Variants in PALS2 observed in about 807,000 individuals in gnomAD.
PALS2 encodes the protein protein PALS2.
PALS2 carries 27 observed loss-of-function variants against 61.6 expected under a neutral mutation model. The ratio of observed to expected loss-of-function variants is 0.44; its 90% CI spans 0.32 to 0.60. The LOEUF (loss-of-function observed/expected upper bound fraction) is 0.60. Ranked by LOEUF, PALS2 falls within the 20% of genes least tolerant of loss-of-function variation. PALS2 has a pLI of 0.05. For synonymous variants in PALS2, 236 were observed against 218.6 expected, an observed-to-expected ratio of 1.08 and a Z score of -0.70; for missense variants, 554 against 639.4, an observed-to-expected ratio of 0.87 and a Z score of 1.44.
chr7:24,599,505 C>CTTTT lies in PALS2; in HGVS notation c.-2-24144_-2-24141dup, dbSNP rs1159029178. Among the ~76,000 whole-genome samples the CTTTT allele has an allele frequency of 3.7e-4, 43 of 116,578 alleles. 1 individual carries two copies. Among genetic ancestry groups the CTTTT allele is most frequent in the African/African-American group, 7.6e-4 (22 of 28,930 alleles). 76.5% of individuals were successfully genotyped at this position (116,578 alleles called of 152,430 possible). Reference sequence around the variant, plus strand: ...TTTCTTTTTTAATATCTTCTATAAGCTTTTTTTTTTTTTTTTTTTTATGGA... The same window carrying CTTTT: ...TTTCTTTTTTAATATCTTCTATAAGCTTTTTTTTTTTTTTTTTTTTTTTTATGGA... On this transcript the variant is annotated intron_variant, in intron 1 of 11. Coordinates refer to ENST00000222644, the MANE Select transcript of PALS2 (RefSeq NM_001303037.2).
At chr7:24,631,654 T>A (rs915394634) in intron 2 of PALS2, among the ~76,000 whole-genome samples, 1 of 151,690 alleles carries the variant, frequency 6.6e-6, no homozygotes, top group African/African-American at 2.4e-5. Context: ...GAAAGGAGAG[T>A]CCATCAATGT....
In PALS2 at chr7:24,573,825, G is replaced by A. The variant is rs1056344081; in HGVS notation, c.-3+232G>A. 6.7e-5 allele frequency among the ~76,000 whole-genome samples: 10 copies of A among 149,606 alleles called. No individual in the cohort carries two copies. Among genetic ancestry groups the A allele is most frequent in the African/African-American group, 2.4e-4 (10 of 41,128 alleles). On this transcript the variant is annotated intron_variant, in intron 1 of 11. Coordinates refer to ENST00000222644, the MANE Select transcript of PALS2 (RefSeq NM_001303037.2). This position sits in a 1 kb window ranked among gnomAD's most constrained non-coding sequence, Gnocchi z 5.3. ...CCCCAGCCCGGCCCGCGCGGAAGGGGCGCTCGGCCGGGCTCCTGCCTCTCT... is the reference window on the plus strand; with the variant it reads ...CCCCAGCCCGGCCCGCGCGGAAGGGACGCTCGGCCGGGCTCCTGCCTCTCT...
chr7:24,674,626 G>C (rs150688774), intron 9 of PALS2: 4 of 152,110 alleles, frequency 2.6e-5, no homozygotes, highest in Admixed American at 2.0e-4. Context: ...TCCTCTCAAA[G>C]TATTTTCTTT....
chr7:24,643,231 C>A (rs188732242), intron 3 of PALS2, among the ~76,000 whole-genome samples: 7 of 152,002 alleles, frequency 4.6e-5, no homozygotes, highest in African/African-American at 1.7e-4. Flanking sequence ...TTGGAAGCAT[C>A]TAGGTTTTCA....
At chr7:24,658,028 C>T (rs1048179945) in intron 5 of PALS2, among the ~76,000 whole-genome samples, 1 of 151,954 alleles carries the variant, frequency 6.6e-6, no homozygotes, top group Non-Finnish European at 1.5e-5. Context: ...TTTTCTGTTT[C>T]TCCTGTCCTT....
At chr7:24,587,266 C>T (rs1783104483) in intron 1 of PALS2, among the ~76,000 whole-genome samples, 1 of 151,814 alleles carries the variant, frequency 6.6e-6, no homozygotes, top group Non-Finnish European at 1.5e-5. Flanking sequence ...AGTGTGGGTA[C>T]TGTCATATAG....
chr7:24,607,993 T>C (rs1783981696), intron 1 of PALS2, among the ~76,000 whole-genome samples: 1 of 152,168 alleles, frequency 6.6e-6, no homozygotes, highest in Non-Finnish European at 1.5e-5. Flanking sequence ...TTTTTTGATT[T>C]TTAAATATTT....
intron 1 of PALS2, among the ~76,000 whole-genome samples, chr7:24,578,715 A>C (rs1374004316): frequency 6.6e-6 from 1 of 152,346 alleles, no homozygotes; most frequent in East Asian, 1.9e-4. Flanking sequence ...AATAAACTAT[A>C]TCTCATTATT....
chr7:24,607,601 G>A (rs1039575282), intron 1 of PALS2, among the ~76,000 whole-genome samples: 7 of 149,102 alleles, frequency 4.7e-5, no homozygotes, highest in African/African-American at 1.8e-4. Context: ...ATATGTGTGT[G>A]TATATATACA....
intron 1 of PALS2, among the ~76,000 whole-genome samples, chr7:24,598,605 A>G (rs1783605739): frequency 6.6e-6 from 1 of 152,234 alleles, no homozygotes; most frequent in South Asian, 2.1e-4. Context: ...TAACCTGTTC[A>G]TTATAGATTG....
At chr7:24,578,489 A>C (rs572564391) in intron 1 of PALS2, among the ~76,000 whole-genome samples, 1 of 152,300 alleles carries the variant, frequency 6.6e-6, no homozygotes, top group South Asian at 2.1e-4. Flanking sequence ...AAATGCAGCC[A>C]ATGTCCAGTG....
rs142894453 is a variant in PALS2, at chr7:24,607,007, G to A, written c.-2-16659G>A. 8.1e-4 allele frequency among the ~76,000 whole-genome samples: 124 copies of A among 152,258 alleles called. 1 individual carries two copies. In the East Asian group the frequency reaches 0.022, roughly 27 times the overall value. ...TATGACCTGTCACGTGAGGTCAGGT[G>A]TGGAATTTTCCACTTGTGGTGTCCT... On this transcript the variant is annotated intron_variant, in intron 1 of 11. Transcript: ENST00000222644.
intron 2 of PALS2, among the ~76,000 whole-genome samples, chr7:24,641,512 G>A (rs1409932157): frequency 6.6e-6 from 1 of 151,944 alleles, no homozygotes; most frequent in Non-Finnish European, 1.5e-5. Flanking sequence ...TTTCAGGATA[G>A]AACTAGAGGC....
At chr7:24,642,838 G>C (rs1227192313) in intron 3 of PALS2, among the ~76,000 whole-genome samples, 1 of 152,068 alleles carries the variant, frequency 6.6e-6, no homozygotes, top group Non-Finnish European at 1.5e-5. Flanking sequence ...TCCTTATAAA[G>C]GCATACTGAG....
At chr7:24,577,866 T>A (rs2128038070) in intron 1 of PALS2, among the ~76,000 whole-genome samples, 2 of 152,340 alleles carry the variant, frequency 1.3e-5, no homozygotes, top group Middle Eastern at 6.8e-3. Context: ...GTATCTGAAA[T>A]TATGTTTTTA....
At chr7:24,684,169 G>A (rs950714658) in intron 11 of PALS2, among the ~76,000 whole-genome samples, 10 of 151,540 alleles carry the variant, frequency 6.6e-5, no homozygotes, top group African/African-American at 1.7e-4. Context: ...GTGCAGTCTC[G>A]ACTCACTGCA....
At chr7:24,586,679 A>G (rs913886406) in intron 1 of PALS2, among the ~76,000 whole-genome samples, 1 of 152,224 alleles carries the variant, frequency 6.6e-6, no homozygotes, top group South Asian at 2.1e-4. Context: ...TGTTTTTCTA[A>G]TGCAATCTGG....
chr7:24,626,848 A>G (rs1162181554), intron 2 of PALS2, among the ~76,000 whole-genome samples: 2 of 152,228 alleles, frequency 1.3e-5, no homozygotes, highest in South Asian at 2.1e-4. Context: ...TGTACCCAAT[A>G]TAGGAGCTCC....
At chr7:24,629,354 C>G (rs1784888110) in intron 2 of PALS2, among the ~76,000 whole-genome samples, 1 of 152,158 alleles carries the variant, frequency 6.6e-6, no homozygotes, top group South Asian at 2.1e-4. Context: ...AGATTAAAGA[C>G]TTAAACGTAA....
Sources: allele counts gnomAD v4.1 joint callset (sites outside exome capture counted in the v4.1 genomes callset), GRCh38; gene constraint gnomAD v4.1.1; non-coding constraint Gnocchi (gnomAD v3.1); transcripts MANE v1.5; gene names NCBI Gene and HGNC (gene_info 2026-07-23, HGNC 2026-07-21).